Variants in EPB41L4A observed in about 807,000 individuals in gnomAD.
EPB41L4A encodes the protein band 4.1-like protein 4A.
In EPB41L4A, 100 loss-of-function variants were observed where a neutral mutation model predicts 108.6. That is an observed-to-expected ratio of 0.92 (90% CI 0.78 to 1.09). The LOEUF (loss-of-function observed/expected upper bound fraction) is 1.09. Among genes scored for constraint, EPB41L4A ranks in the 50% least tolerant of loss-of-function variants. EPB41L4A has a pLI of 0.00. For synonymous variants in EPB41L4A, 319 were observed against 289.0 expected (o/e 1.10, Z -1.05); for missense variants, 1,030 against 842.7 (o/e 1.22, Z -2.75).
chr5:112,319,298 C>A (rs1026976756), intron 1 of EPB41L4A, among the ~76,000 whole-genome samples: 1 of 152,000 alleles, frequency 6.6e-6, no homozygotes, highest in Non-Finnish European at 1.5e-5. Flanking sequence ...GATTACAACC[C>A]CTATGAGAAA....
Position 112,260,487 on chromosome 5 carries a change from G to C in EPB41L4A, c.643-508C>G, listed in dbSNP as rs547954742. Reference sequence around the variant, plus strand: ...CTTTTGAATGGCTTGATTTATCTCCGATGCGGACAATCATGAAACCCACTG... The same window carrying C: ...CTTTTGAATGGCTTGATTTATCTCCCATGCGGACAATCATGAAACCCACTG... On this transcript the variant is annotated intron_variant, in intron 7 of 22. Coordinates refer to ENST00000261486, the MANE Select transcript of EPB41L4A (RefSeq NM_022140.5). Among the ~76,000 whole-genome samples the C allele has an allele frequency of 5.9e-5, 9 of 152,274 alleles. No homozygotes were observed. In the East Asian group the frequency reaches 1.7e-3, roughly 29 times the overall value.
chr5:112,316,407 T>G (rs1755432026), intron 1 of EPB41L4A, among the ~76,000 whole-genome samples: 1 of 152,134 alleles, frequency 6.6e-6, no homozygotes, highest in Non-Finnish European at 1.5e-5. Context: ...TTACATTAAT[T>G]TTTTTAGCTT....
At chr5:112,215,357 G>C (rs1459658692) in intron 12 of EPB41L4A, among the ~76,000 whole-genome samples, 1 of 152,186 alleles carries the variant, frequency 6.6e-6, no homozygotes, top group Non-Finnish European at 1.5e-5. Flanking sequence ...GGCTATTAAG[G>C]CTTTGAAGTA....
chr5:112,307,446 G>C lies in EPB41L4A; in HGVS notation c.144C>G (p.His48Gln). 6.2e-7 allele frequency: 1 copy of C among 1,613,218 alleles called. No homozygotes were observed. The highest frequency in any genetic ancestry group is 1.1e-5 in the South Asian group (1 of 91,036). The change falls in exon 2 of 23, where the codon CAC (histidine) becomes CAG (glutamine). Residue 48 changes from histidine (H) to glutamine (Q), a missense_variant. His to Gln is a conservative substitution (Grantham distance 24). Coordinates refer to ENST00000261486, the MANE Select transcript of EPB41L4A (RefSeq NM_022140.5). Reference sequence around the variant, plus strand: ...AATAATCTATCTCCACAAGGTTTACGTGATGGAATACGTGGTCAAGGACAA... The same window carrying C: ...AATAATCTATCTCCACAAGGTTTACCTGATGGAATACGTGGTCAAGGACAA... The part of the protein sequence containing the change: ...GSVVLDHVFH[H>Q]VNLVEIDYFG...
chr5:112,195,603 T>C (rs1044177413), intron 16 of EPB41L4A, 58 bp downstream of exon 16: 5 of 1,438,950 alleles, frequency 3.5e-6, no homozygotes, highest in Non-Finnish European at 4.9e-6. Context: ...ACTCTGAGCA[T>C]TTCTAAATCT....
intron 17 of EPB41L4A, chr5:112,191,961 A>T (rs1160410356): frequency 6.6e-6 from 1 of 152,222 alleles, no homozygotes; most frequent in East Asian, 1.9e-4. Flanking sequence ...CAAGAGGTAG[A>T]ACATCAGCAT....
chr5:112,244,567 T>C (rs115350399), intron 9 of EPB41L4A, among the ~76,000 whole-genome samples: 1,594 of 152,294 alleles, frequency 0.01, 12 homozygotes, highest in Middle Eastern at 0.044. Flanking sequence ...AGGCGGTGTC[T>C]GATTTATATA....
intron 1 of EPB41L4A, among the ~76,000 whole-genome samples, chr5:112,315,880 G>T (rs1755398309): frequency 6.6e-6 from 1 of 152,078 alleles, no homozygotes; most frequent in Non-Finnish European, 1.5e-5. Flanking sequence ...GGGAGCACCT[G>T]ATTTTTTATA....
At chr5:112,165,257 C>T (rs1760174252) in intron 22 of EPB41L4A, 139 bp from the exon 23 acceptor site, 1 of 642,236 alleles carries the variant, frequency 1.6e-6, no homozygotes, top group Non-Finnish European at 2.6e-6. Context: ...AAAAGCTATT[C>T]AATAAATGTT....
At chr5:112,254,473 G>A (rs1004321360) in intron 9 of EPB41L4A, among the ~76,000 whole-genome samples, 20 of 152,210 alleles carry the variant, frequency 1.3e-4, no homozygotes, top group African/African-American at 1.7e-4. Flanking sequence ...ATGCACATCC[G>A]ATCATGGAGG....
intron 2 of EPB41L4A, among the ~76,000 whole-genome samples, chr5:112,286,409 C>G (rs929174407): frequency 6.6e-6 from 1 of 152,184 alleles, no homozygotes; most frequent in African/African-American, 2.4e-5. Context: ...CTTGGTATCA[C>G]GCAGAATCCT....
intron 1 of EPB41L4A, among the ~76,000 whole-genome samples, chr5:112,322,701 C>G (rs1755876428): frequency 7.4e-6 from 1 of 134,432 alleles, no homozygotes; most frequent in South Asian, 2.2e-4. Context: ...CACTATGAGA[C>G]ACACACACAC....
chr5:112,262,025 G>A (rs2150444378), intron 7 of EPB41L4A, among the ~76,000 whole-genome samples: 1 of 151,858 alleles, frequency 6.6e-6, no homozygotes, highest in South Asian at 2.1e-4. Flanking sequence ...CCGAGTGGCT[G>A]GGATTACAGG....
exon 13 of EPB41L4A, chr5:112,145,902 C>G: frequency 2.2e-6 from 1 of 456,468 alleles, no homozygotes; most frequent in South Asian, 1.6e-5. Context: ...AATATCACTT[C>G]ATCCAGAAGT....
At chr5:112,216,574 G>A (rs115315723) in intron 12 of EPB41L4A, among the ~76,000 whole-genome samples, 6,433 of 152,048 alleles carry the variant, frequency 0.042, 477 homozygotes, top group African/African-American at 0.15. Flanking sequence ...GTTAAATCTT[G>A]TCCTACTTAA....
At chr5:112,359,050 A>G (rs1758543780) in intron 1 of EPB41L4A, among the ~76,000 whole-genome samples, 1 of 152,230 alleles carries the variant, frequency 6.6e-6, no homozygotes. Flanking sequence ...CTGTTTGAAA[A>G]GGGACCCAAG....
At chr5:112,359,379 C>A (rs554221627) in intron 1 of EPB41L4A, among the ~76,000 whole-genome samples, 2 of 152,214 alleles carry the variant, frequency 1.3e-5, no homozygotes, top group African/African-American at 4.8e-5. Context: ...CCAGAGGCAC[C>A]CAATTATCCA....
At chr5:112,337,553 G>A (rs762609309) in intron 1 of EPB41L4A, among the ~76,000 whole-genome samples, 6 of 152,202 alleles carry the variant, frequency 3.9e-5, no homozygotes, top group African/African-American at 1.2e-4. Flanking sequence ...ACAAAAGGAC[G>A]GAGGCTCAGA....
Position 112,232,886 on chromosome 5 carries a change from A to C in EPB41L4A, c.1087+1748T>G, listed in dbSNP as rs550762783. Among the ~76,000 whole-genome samples the C allele has an allele frequency of 2.6e-5, 4 of 152,306 alleles. No individual in the cohort carries two copies. The South Asian group carries it at 8.3e-4, about 32-fold the overall frequency. ...GGCTCAAACAAGATAATATCTGTGA[A>C]AGGACACTGGAGAGTGTTAGACAAG... On this transcript the variant is annotated intron_variant, in intron 12 of 22. Coordinates refer to ENST00000261486, the MANE Select transcript of EPB41L4A (RefSeq NM_022140.5).
Sources: gnomAD v4.1 joint callset for allele counts (sites outside exome capture counted in the v4.1 genomes callset) on GRCh38, gnomAD v4.1.1 for gene constraint, MANE v1.5 for transcripts, NCBI Gene and HGNC (gene_info 2026-07-23, HGNC 2026-07-21) for gene names.